TTC21B: variants seen among roughly 807,000 people sequenced by gnomAD.
The protein encoded by TTC21B is tetratricopeptide repeat domain 21B.
TTC21B carries 127 observed loss-of-function variants against 175.1 expected under a neutral mutation model. That is an observed-to-expected ratio of 0.73 (90% confidence interval 0.63 to 0.84). The LOEUF (loss-of-function observed/expected upper bound fraction) is 0.84, where lower values mean the gene tolerates loss of function less well. Ranked by LOEUF, TTC21B falls within the 40% of genes least tolerant of loss-of-function variation. TTC21B has a pLI of 0.00. For missense variants in TTC21B, 1,561 were observed against 1,558.3 expected, an observed-to-expected ratio of 1.00 and a Z score of -0.03; for synonymous variants, 524 against 524.5, an observed-to-expected ratio of 1.00 and a Z score of 0.01.
At position 165,873,489 on chromosome 2, in the gene TTC21B, A is replaced by G. The variant is rs1684569105; in HGVS notation, c.*1266T>C. On this transcript the variant is annotated 3_prime_UTR_variant, in exon 29 of 29. Coordinates refer to ENST00000243344, the MANE Select transcript of TTC21B (RefSeq NM_024753.5). ...TAATGCTAAGGATTAAGTTTAGATT[A>G]GGTTAAATTTAGTGTAAGAGAGTGA... The G allele has an allele frequency of 6.6e-6, 1 of 152,218 alleles. No homozygotes were observed. The highest frequency in any genetic ancestry group is 6.5e-5 in the Admixed American group (1 of 15,280). 9.4% of individuals were successfully genotyped at this position (152,218 alleles called of 1,614,324 possible). A position where few individuals can be genotyped will look rare whatever the true frequency, so the allele number is the denominator to read the frequency against.
intron 15 of TTC21B, among the ~76,000 whole-genome samples, chr2:165,914,803 A>G (rs1400857758): frequency 6.6e-6 from 1 of 152,030 alleles, no homozygotes; most frequent in Non-Finnish European, 1.5e-5. Context: ...GGTACATACT[A>G]AAATAACTTT....
rs112960666 is a variant in TTC21B at position 165,902,526 on chromosome 2, T to C, written c.2569-616A>G. ...GCTTTGAAACAGGTTTTCTTTTTTT[T>C]TTCTCAAGCCAGAGGTTTAGACAGT... On this transcript the variant is annotated intron_variant, in intron 19 of 28. Transcript: ENST00000243344. 8.7e-4 allele frequency among the ~76,000 whole-genome samples: 132 copies of C among 152,286 alleles called. 1 individual carries two copies. The highest frequency in any genetic ancestry group is 3.0e-3 in the African/African-American group (123 of 41,548).
chr2:165,891,406 G>T (rs1308237972), intron 22 of TTC21B, among the ~76,000 whole-genome samples: 1 of 152,066 alleles, frequency 6.6e-6, no homozygotes, highest in Non-Finnish European at 1.5e-5. Flanking sequence ...GAAGGGTGTG[G>T]GAACAGTACA....
chr2:165,877,043 A>G (rs1217433426), intron 27 of TTC21B, among the ~76,000 whole-genome samples: 1 of 152,258 alleles, frequency 6.6e-6, no homozygotes, highest in African/African-American at 2.4e-5. Context: ...AAGAATATTT[A>G]ACACATTCCT....
At chr2:165,896,941 CT>C (rs1182835129) in intron 22 of TTC21B, among the ~76,000 whole-genome samples, 1 of 152,090 alleles carries the variant, frequency 6.6e-6, no homozygotes, top group Non-Finnish European at 1.5e-5. Flanking sequence ...TTGGGAAGCC[CT>C]TTTGCCCAGC....
In TTC21B at chr2:165,874,769, A is replaced by T; in HGVS notation, c.3937T>A (p.Ser1313Thr). The T allele has an allele frequency of 6.2e-7, 1 of 1,613,672 alleles. No individual in the cohort carries two copies. Reference sequence around the variant, plus strand: ...TAAAATTATTTTCAAGGTCTTAAAGACGCACGGGCCTTATCAAGTATATCC... The same window carrying T: ...TAAAATTATTTTCAAGGTCTTAAAGTCGCACGGGCCTTATCAAGTATATCC... ...RKDILDKARASLRP is the reference protein window; with the variant it reads ...RKDILDKARATLRP Residue 1313 changes from serine to threonine, a missense_variant, in exon 29 of 29, where the codon TCT becomes ACT. Ser to Thr is a moderately conservative substitution (Grantham distance 58). Coordinates refer to ENST00000243344, the MANE Select transcript of TTC21B (RefSeq NM_024753.5).
At position 165,890,550 on chromosome 2, in the gene TTC21B, T is replaced by C. The variant is rs376284506; in HGVS notation, c.3192A>G (p.Ile1064Met). 6 of 1,613,498 alleles carry C rather than the reference T, an allele frequency of 3.7e-6. No homozygotes were observed. The African/African-American group carries it at 8.0e-5, about 22-fold the overall frequency. ...CATTATCTGGATTCAAACAGATCTC[T>C]ATCATATTATAAAGGGCATTTTGGC... ...DWGQNALYNM[I>M]EICLNPDNET... The change falls in exon 24 of 29, where the codon ATA becomes ATG. Residue 1064 changes from isoleucine to methionine, a missense_variant. Physicochemically the swap from Ile to Met is conservative, Grantham distance 10. Transcript: ENST00000243344.
At chr2:165,940,791 G>A (rs1447907760) in intron 6 of TTC21B, among the ~76,000 whole-genome samples, 1 of 152,074 alleles carries the variant, frequency 6.6e-6, no homozygotes, top group African/African-American at 2.4e-5. Flanking sequence ...CATGACCACA[G>A]GGATATTGGC....
At position 165,874,606 on chromosome 2, in the gene TTC21B, T is replaced by G; in HGVS notation, c.*149A>C. ...AAACACCAATTTCACATAGTACTTC[T>G]CTTGATGTACAGCAGCAACCTCTGC... is the stretch of plus-strand genomic sequence containing the variant. On this transcript the variant is annotated 3_prime_UTR_variant, in exon 29 of 29. Transcript: ENST00000243344. 1.5e-6 allele frequency: 1 copy of G among 688,378 alleles called. No homozygotes were observed. The highest frequency in any genetic ancestry group is 2.6e-6 in the Non-Finnish European group (1 of 385,762). The allele number at this position is 688,378 out of a possible 1,614,324, so 42.6% of individuals were successfully genotyped here. A position where few individuals can be genotyped will look rare whatever the true frequency, so the allele number is the denominator to read the frequency against.
intron 4 of TTC21B, among the ~76,000 whole-genome samples, chr2:165,943,749 C>A (rs76641625): frequency 1.3e-5 from 2 of 152,012 alleles, no homozygotes; most frequent in African/African-American, 2.4e-5. Context: ...ACAGAAGAAG[C>A]CTTGCTTCAC....
At chr2:165,951,785 A>G (rs1687770450) in intron 1 of TTC21B, among the ~76,000 whole-genome samples, 1 of 152,252 alleles carries the variant, frequency 6.6e-6, no homozygotes, top group African/African-American at 2.4e-5. Context: ...TGAGACTGTA[A>G]TCTGAAGACT....
intron 26 of TTC21B, 25 bp downstream of exon 26, chr2:165,883,769 T>A: frequency 1.3e-6 from 2 of 1,568,486 alleles, no homozygotes; most frequent in Non-Finnish European, 8.8e-7. Flanking sequence ...GGTCAATAAT[T>A]ATTTTTTACT....
intron 13 of TTC21B, among the ~76,000 whole-genome samples, chr2:165,917,772 C>T (rs1686231326): frequency 6.6e-6 from 1 of 152,202 alleles, no homozygotes; most frequent in African/African-American, 2.4e-5. Flanking sequence ...CAAATACATT[C>T]TAAGAGATTA....
Position 165,919,365 on chromosome 2 carries a change from G to A in TTC21B, c.1585C>T (p.His529Tyr), listed in dbSNP as rs1435924359. The change falls in exon 13 of 29, where the codon CAT (histidine) becomes TAT (tyrosine). Residue 529 changes from histidine to tyrosine, a missense_variant. His to Tyr is a moderately conservative substitution (Grantham distance 83). Transcript: ENST00000243344. ...AAGTAAACCTGAGCTAGCAGCAGAT[G>A]AGCATCAGCATAAGAGGGATTGTGT... ...LEHNPSYADAHLLLAQVYLSQ... is the reference protein window; with the variant it reads ...LEHNPSYADAYLLLAQVYLSQ... 1 of 1,614,098 alleles carries A rather than the reference G, an allele frequency of 6.2e-7. No individual in the cohort carries two copies.
chr2:165,880,951 C>T (rs1684817244), intron 26 of TTC21B, 152 bp from the exon 27 acceptor site: 1 of 754,142 alleles, frequency 1.3e-6, no homozygotes, highest in Admixed American at 2.4e-5. Flanking sequence ...AAATTTTTTA[C>T]TGAACTTAAT....
chr2:165,917,053 A>G (rs1360251331), intron 14 of TTC21B, among the ~76,000 whole-genome samples: 1 of 151,832 alleles, frequency 6.6e-6, no homozygotes, highest in African/African-American at 2.4e-5. Context: ...ATTTTTTTGT[A>G]TTTTTAGTAG....
At chr2:165,950,959 A>T (rs2105371850) in intron 1 of TTC21B, among the ~76,000 whole-genome samples, 1 of 152,192 alleles carries the variant, frequency 6.6e-6, no homozygotes, top group African/African-American at 2.4e-5. Context: ...TAGTCCATGT[A>T]CTTCTCTAGA....
intron 1 of TTC21B, 92 bp downstream of exon 1, chr2:165,953,593 C>T: frequency 1.3e-6 from 2 of 1,529,884 alleles, no homozygotes; most frequent in Non-Finnish European, 1.8e-6. Context: ...CTAGCGAAGC[C>T]ACCCGAGCTC....
At chr2:165,921,757 C>T (rs111747731) in intron 12 of TTC21B, among the ~76,000 whole-genome samples, 29 of 149,148 alleles carry the variant, frequency 1.9e-4, no homozygotes, top group African/African-American at 6.9e-4. Context: ...CACATGCTAG[C>T]AGTATTTCAC....
Sources: gnomAD v4.1 joint callset for allele counts (sites outside exome capture counted in the v4.1 genomes callset) on GRCh38, gnomAD v4.1.1 for gene constraint, MANE v1.5 for transcripts, NCBI Gene and HGNC (gene_info 2026-07-23, HGNC 2026-07-21) for gene names.